The following MTSS1 variants were observed in gnomAD, a reference collection of about 807,000 sequenced individuals.
MTSS1 encodes the protein MTSS I-BAR domain containing 1, also known as protein MTSS 1.
MTSS1 carries 18 observed loss-of-function variants against 79.0 expected under a neutral mutation model. The observed-to-expected ratio is 0.23, with a 90% CI of 0.16 to 0.34. The LOEUF (loss-of-function observed/expected upper bound fraction) is 0.34. MTSS1 is among the 10% of genes least tolerant of loss of function. MTSS1 has a pLI of 1.00. For synonymous variants in MTSS1, 341 were observed against 368.6 expected (o/e 0.93, Z 0.86); for missense variants, 815 against 986.2 (o/e 0.83, Z 2.33).
At chr8:124,726,040 T>C (rs1042853217) in intron 1 of MTSS1, among the ~76,000 whole-genome samples, 2 of 152,088 alleles carry the variant, frequency 1.3e-5, no homozygotes, top group African/African-American at 4.8e-5. Flanking sequence ...ACAAACCTAC[T>C]AAACTCAAAC....
chr8:124,678,032 T>A (rs914296001), intron 3 of MTSS1, among the ~76,000 whole-genome samples: 13 of 152,196 alleles, frequency 8.5e-5, no homozygotes, highest in Non-Finnish European at 1.9e-4. Flanking sequence ...AAATATATCT[T>A]TTCCCCCAAA....
intron 3 of MTSS1, among the ~76,000 whole-genome samples, chr8:124,600,823 G>A (rs1222526472): frequency 2.0e-5 from 3 of 152,192 alleles, no homozygotes; most frequent in African/African-American, 7.2e-5. Flanking sequence ...AAGACCAAAG[G>A]CCTAGAAGGA....
intron 3 of MTSS1, among the ~76,000 whole-genome samples, chr8:124,605,176 C>T (rs1217737514): frequency 6.6e-6 from 1 of 152,156 alleles, no homozygotes. Context: ...CCACCATGAA[C>T]CCCCCATTGC....
At chr8:124,719,603 A>AAG in intron 1 of MTSS1, among the ~76,000 whole-genome samples, 1 of 152,226 alleles carries the variant, frequency 6.6e-6, no homozygotes, top group Non-Finnish European at 1.5e-5. Context: ...CCTGACATGC[A>AAG]GTAGACATGC....
chr8:124,557,530 T>G, intron 11 of MTSS1, 151 bp downstream of exon 11: 3 of 839,640 alleles, frequency 3.6e-6, no homozygotes, highest in Non-Finnish European at 5.4e-6. Context: ...TCTCCCCCAA[T>G]GGGAGTTTCC....
At position 124,727,603 on chromosome 8, in the gene MTSS1, GC is replaced by G. The variant is rs1450294361; in HGVS notation, c.72+280del. The G allele has an allele frequency of 3.3e-6, 2 of 599,950 alleles. No homozygotes were observed. Among genetic ancestry groups the G allele is most frequent in the East Asian group, 3.6e-5 (1 of 27,728 alleles). The allele number at this position is 599,950 out of a possible 1,614,324, so 37.2% of individuals were successfully genotyped here. ...GGAAAACTTGCAGCCAGTGCCTTGA[GC>G]CCCCGAGGGAAAGAAATGGTGCCGC... is the stretch of plus-strand genomic sequence containing the variant. On this transcript the variant is annotated intron_variant, in intron 1 of 13. Coordinates refer to ENST00000518547, the MANE Select transcript of MTSS1 (RefSeq NM_014751.6). The surrounding 1 kb of genome is among the most constrained non-coding windows in gnomAD (Gnocchi z 4.7).
At position 124,702,615 on chromosome 8, in the gene MTSS1, TA is replaced by T. The variant is rs1289615431; in HGVS notation, c.134+1514del. On this transcript the variant is annotated intron_variant, in intron 2 of 13. Coordinates refer to ENST00000518547, the MANE Select transcript of MTSS1 (RefSeq NM_014751.6). The stretch of plus-strand genomic sequence containing the variant: ...ACCATGGACACTCTAGTCCTATGGC[TA>T]ACACTCTGGGCAGTGACCCCTGGTG... 7.2e-5 allele frequency among the ~76,000 whole-genome samples: 11 copies of T among 152,280 alleles called. No individual in the cohort carries two copies. The East Asian group carries it at 2.1e-3, about 29-fold the overall frequency.
chr8:124,661,005 A>G (rs1821929465), intron 3 of MTSS1, among the ~76,000 whole-genome samples: 1 of 152,242 alleles, frequency 6.6e-6, no homozygotes, highest in Non-Finnish European at 1.5e-5. Flanking sequence ...CTTGGCCCTG[A>G]GGCCATCGTC....
At chr8:124,724,428 G>T (rs929840245) in intron 1 of MTSS1, among the ~76,000 whole-genome samples, 1 of 152,166 alleles carries the variant, frequency 6.6e-6, no homozygotes, top group African/African-American at 2.4e-5. Flanking sequence ...GACACATGGG[G>T]TGGAGGAACC....
intron 3 of MTSS1, among the ~76,000 whole-genome samples, chr8:124,643,550 T>C (rs548177573): frequency 6.6e-6 from 1 of 151,814 alleles, no homozygotes; most frequent in Non-Finnish European, 1.5e-5. Flanking sequence ...ATAAAAAAAT[T>C]AGCCAGGCGT....
intron 3 of MTSS1, among the ~76,000 whole-genome samples, chr8:124,667,102 C>T (rs957596419): frequency 4.5e-4 from 68 of 152,206 alleles, no homozygotes; most frequent in Middle Eastern, 6.8e-3. Context: ...GAGATGGCCA[C>T]GCCCTGGGTT....
At chr8:124,642,897 TG>T (rs1273861833) in intron 3 of MTSS1, among the ~76,000 whole-genome samples, 2 of 152,222 alleles carry the variant, frequency 1.3e-5, no homozygotes, top group Non-Finnish European at 2.9e-5. Flanking sequence ...CCGGCTCTTC[TG>T]GGTTCTTAAG....
intron 3 of MTSS1, among the ~76,000 whole-genome samples, chr8:124,609,727 C>T (rs1343938200): frequency 1.3e-5 from 2 of 152,324 alleles, no homozygotes; most frequent in South Asian, 2.1e-4. Context: ...GGAACAACTA[C>T]GTGTGAGCCA....
chr8:124,630,335 G>A (rs905349096), intron 3 of MTSS1, among the ~76,000 whole-genome samples: 4 of 151,624 alleles, frequency 2.6e-5, no homozygotes, highest in South Asian at 4.2e-4. Context: ...TGGGCTACCC[G>A]AGCAGACTGT....
intron 3 of MTSS1, among the ~76,000 whole-genome samples, chr8:124,621,670 G>A (rs1220227568): frequency 3.3e-5 from 5 of 152,046 alleles, no homozygotes; most frequent in Admixed American, 1.3e-4. Flanking sequence ...TCAGCCTCCC[G>A]AGTAAGTAGC....
At chr8:124,623,887 G>A (rs1230965247) in intron 3 of MTSS1, among the ~76,000 whole-genome samples, 6 of 152,198 alleles carry the variant, frequency 3.9e-5, no homozygotes, top group East Asian at 3.8e-4. Context: ...CCGGTGATCC[G>A]CCTACCTTGG....
At chr8:124,699,993 G>T (rs958183708) in intron 2 of MTSS1, among the ~76,000 whole-genome samples, 1 of 152,102 alleles carries the variant, frequency 6.6e-6, no homozygotes, top group African/African-American at 2.4e-5. Flanking sequence ...CAAAAAATTA[G>T]CCAGGCGTGG....
intron 3 of MTSS1, among the ~76,000 whole-genome samples, chr8:124,633,471 G>A (rs1587454535): frequency 6.6e-6 from 1 of 152,144 alleles, no homozygotes; most frequent in East Asian, 1.9e-4. Context: ...ATTCTCAGTA[G>A]GTGAAAACCT....
Position 124,588,733 on chromosome 8 carries a change from G to T in MTSS1, c.385+887C>A, listed in dbSNP as rs1038035560. Among the ~76,000 whole-genome samples, 3 of 152,286 alleles carry T rather than the reference G, an allele frequency of 2.0e-5. 1 individual carries two copies. Among genetic ancestry groups the T allele is most frequent in the Middle Eastern group, 6.8e-3 (2 of 294 alleles). Reference sequence around the variant, plus strand: ...TTTCACTTCTTTGGAGGGTTAGGGGGAGGCAGTGTCTTGCTCTGTCACCCA... The same window carrying T: ...TTTCACTTCTTTGGAGGGTTAGGGGTAGGCAGTGTCTTGCTCTGTCACCCA... On this transcript the variant is annotated intron_variant, in intron 5 of 13. Transcript: ENST00000518547.
Sources: gnomAD v4.1 joint callset for allele counts (sites outside exome capture counted in the v4.1 genomes callset) on GRCh38, gnomAD v4.1.1 for gene constraint, Gnocchi (gnomAD v3.1) non-coding constraint, MANE v1.5 for transcripts, NCBI Gene and HGNC (gene_info 2026-07-23, HGNC 2026-07-21) for gene names.